Variants in NRIP1 observed in about 807,000 individuals in gnomAD.
NRIP1 encodes nuclear receptor-interacting protein 1.
A neutral mutation model predicts 75.0 loss-of-function variants in NRIP1; 28 were observed. The observed-to-expected ratio is 0.37, with a 90% CI of 0.28 to 0.51. The LOEUF is 0.51. NRIP1 is among the 20% of genes least tolerant of loss of function. The pLI is 0.92. For missense variants in NRIP1, 1,435 were observed against 1,343.7 expected (o/e 1.07, Z -1.06); for synonymous variants, 526 against 487.6 (o/e 1.08, Z -1.04).
At chr21:15,011,834 T>C (rs1287242861) in intron 3 of NRIP1, among the ~76,000 whole-genome samples, 1 of 152,086 alleles carries the variant, frequency 6.6e-6, no homozygotes, top group African/African-American at 2.4e-5. Flanking sequence ...CTATAAAATA[T>C]AAAAAAGGGT....
rs1046153427 is a variant in NRIP1, at chr21:14,961,292, T to C, written c.*3424A>G. On this transcript the variant is annotated 3_prime_UTR_variant, in exon 4 of 4. Coordinates refer to ENST00000318948, the MANE Select transcript of NRIP1 (RefSeq NM_003489.4). The stretch of plus-strand genomic sequence containing the variant: ...ACTGCAGGAAGTAAACACTAAAAGA[T>C]TAAAAAACAAAACAAAAAAATTCAC... The C allele has an allele frequency of 1.3e-5, 2 of 152,248 alleles. No homozygotes were observed. Among genetic ancestry groups the C allele is most frequent in the African/African-American group, 4.8e-5 (2 of 41,306 alleles). The allele number at this position is 152,248 out of a possible 1,614,324, so 9.4% of individuals were successfully genotyped here.
At chr21:15,019,226 T>C (rs142075701) in intron 2 of NRIP1, among the ~76,000 whole-genome samples, 7 of 149,636 alleles carry the variant, frequency 4.7e-5, no homozygotes, top group African/African-American at 7.3e-5. Flanking sequence ...ACTAATATCA[T>C]ACTAATGGTG....
chr21:15,061,818 T>C (rs1022392843), intron 1 of NRIP1, among the ~76,000 whole-genome samples: 3 of 152,256 alleles, frequency 2.0e-5, no homozygotes, highest in Admixed American at 6.5e-5. Flanking sequence ...ATTACTTCTA[T>C]GTCATTGTCT....
chr21:15,027,338 C>A (rs1328229729), intron 2 of NRIP1, among the ~76,000 whole-genome samples: 1 of 152,082 alleles, frequency 6.6e-6, no homozygotes, highest in Non-Finnish European at 1.5e-5. Context: ...CCTGTTTATA[C>A]CAAGGGTTAC....
intron 3 of NRIP1, among the ~76,000 whole-genome samples, chr21:15,007,750 G>A (rs909422746): frequency 5.2e-4 from 79 of 152,128 alleles, no homozygotes; most frequent in African/African-American, 1.8e-3. Context: ...TCTATCCAAC[G>A]CTAATGAGAA....
intron 2 of NRIP1, among the ~76,000 whole-genome samples, chr21:15,023,508 T>C (rs1424546300): frequency 6.6e-6 from 1 of 152,130 alleles, no homozygotes; most frequent in Non-Finnish European, 1.5e-5. Context: ...AACTTGTAAA[T>C]ACTGCATGCT....
At chr21:15,057,350 T>C (rs2089328803) in intron 1 of NRIP1, among the ~76,000 whole-genome samples, 1 of 152,220 alleles carries the variant, frequency 6.6e-6, no homozygotes, top group African/African-American at 2.4e-5. Flanking sequence ...AGAAACATAG[T>C]TGCTTTCACT....
rs773923317 is a variant in NRIP1, at chr21:14,964,891, T to C, written c.3302A>G (p.Gln1101Arg). The change falls in exon 4 of 4, where the codon CAG becomes CGG. Residue 1101 changes from glutamine to arginine, a missense_variant. By Grantham distance (43) the Gln-to-Arg change is conservative. Transcript: ENST00000318948. ...AAGTAACTCTTCTTTGGCTGTGACC[T>C]GTGAGACACTTTCAGCAGATGAAGC... ...REASSAESVS[Q>R]VTAKEELLPT... The C allele has an allele frequency of 2.0e-5, 32 of 1,613,184 alleles. No individual in the cohort carries two copies. Among genetic ancestry groups the C allele is most frequent in the Non-Finnish European group, 2.6e-5 (31 of 1,179,580 alleles).
chr21:14,971,042 A>G (rs1278094906), intron 3 of NRIP1, among the ~76,000 whole-genome samples: 1 of 152,242 alleles, frequency 6.6e-6, no homozygotes, highest in African/African-American at 2.4e-5. Context: ...GATATTAAGA[A>G]TAATCATCTC....
At chr21:15,042,975 T>G (rs1459563138) in intron 2 of NRIP1, among the ~76,000 whole-genome samples, 1 of 152,174 alleles carries the variant, frequency 6.6e-6, no homozygotes, top group Non-Finnish European at 1.5e-5. Flanking sequence ...CAAATGATAA[T>G]GCAAAGAGAG....
At chr21:15,043,943 C>G (rs532319365) in intron 1 of NRIP1, among the ~76,000 whole-genome samples, 1 of 152,252 alleles carries the variant, frequency 6.6e-6, no homozygotes, top group South Asian at 2.1e-4. Context: ...CTCAGTCTCC[C>G]AAGTAGCTGG....
At chr21:15,062,751 A>G (rs1978416701) in intron 1 of NRIP1, among the ~76,000 whole-genome samples, 1 of 151,914 alleles carries the variant, frequency 6.6e-6, no homozygotes, top group Non-Finnish European at 1.5e-5. Context: ...TAACAAACAG[A>G]CTCTAGGTGG....
intron 3 of NRIP1, among the ~76,000 whole-genome samples, chr21:14,975,564 C>T (rs1255334274): frequency 6.9e-6 from 1 of 144,958 alleles, no homozygotes; most frequent in African/African-American, 2.6e-5. Flanking sequence ...TTACAGTGAG[C>T]TATGACTGAG....
chr21:14,987,237 G>A (rs1195139320), intron 3 of NRIP1, among the ~76,000 whole-genome samples: 1 of 152,148 alleles, frequency 6.6e-6, no homozygotes, highest in Non-Finnish European at 1.5e-5. Context: ...ACTAATACCT[G>A]TTTCATAGAG....
At chr21:14,988,603 C>A (rs1450491506) in intron 3 of NRIP1, among the ~76,000 whole-genome samples, 1 of 151,904 alleles carries the variant, frequency 6.6e-6, no homozygotes, top group Non-Finnish European at 1.5e-5. Context: ...TTAATTCTTT[C>A]ACTCATAATT....
intron 1 of NRIP1, among the ~76,000 whole-genome samples, chr21:15,049,819 G>A (rs1229689218): frequency 6.6e-6 from 1 of 151,874 alleles, no homozygotes; most frequent in Non-Finnish European, 1.5e-5. Context: ...TCTCCCTATA[G>A]AGAAGGGCAA....
intron 3 of NRIP1, among the ~76,000 whole-genome samples, chr21:15,003,815 A>G (rs925931176): frequency 6.6e-6 from 1 of 152,202 alleles, no homozygotes; most frequent in Admixed American, 6.5e-5. Flanking sequence ...TAGGTACTGG[A>G]AACTACACAG....
rs747894971 is a variant in NRIP1 at position 14,966,261 on chromosome 21, T to G, written c.1932A>C (p.Ser644=). ...GTTTGCTGGGTCTCTGCTCTTCCAC[T>G]GACATGGATGACTGCATTCCACATT... ...LAQCGMQSSM[S]VEEQRPSKQL... is the part of the protein sequence containing the mutation. Residue 644 remains serine (S), a synonymous_variant, in exon 4 of 4, where the codon TCA becomes TCC. Transcript: ENST00000318948. 20 of 1,614,116 alleles carry G rather than the reference T, an allele frequency of 1.2e-5. No individual in the cohort carries two copies. The highest frequency in any genetic ancestry group is 1.7e-5 in the Non-Finnish European group (20 of 1,179,974).
intron 3 of NRIP1, among the ~76,000 whole-genome samples, chr21:14,998,523 A>G (rs1212377824): frequency 6.6e-6 from 1 of 152,216 alleles, no homozygotes; most frequent in African/African-American, 2.4e-5. Context: ...AAATGTCAAC[A>G]GACTATATAA....
Sources: gnomAD v4.1 joint callset for allele counts (sites outside exome capture counted in the v4.1 genomes callset) on GRCh38, gnomAD v4.1.1 for gene constraint, MANE v1.5 for transcripts, NCBI Gene and HGNC (gene_info 2026-07-23, HGNC 2026-07-21) for gene names.